CD99L2: variants seen among roughly 807,000 people sequenced by gnomAD.
CD99L2 encodes the protein CD99 molecule like 2.
CD99L2 carries 24 observed loss-of-function variants against 27.3 expected under a neutral mutation model. That is an observed-to-expected ratio of 0.88 (90% CI 0.64 to 1.24). The LOEUF (loss-of-function observed/expected upper bound fraction) is 1.24. CD99L2 is among the 50% of genes most tolerant of loss of function. CD99L2 has a pLI of 0.00. For missense variants in CD99L2, 255 were observed against 221.6 expected (o/e 1.15, Z -0.96); for synonymous variants, 97 against 87.9 (o/e 1.10, Z -0.58).
Position 150,769,231 on chromosome X carries a change from C to A in CD99L2, c.722-130G>T, listed in dbSNP as rs968409387. On this transcript the variant is annotated intron_variant, in intron 10 of 10. Transcript: ENST00000370377. ...TATCCCCTGGGGGGCCGCTTAGCAA[C>A]CTTCCCTCCTGAGCCTGGGAGCAGT... The A allele has an allele frequency of 6.7e-6, 5 of 742,770 alleles. No homozygotes were observed. In the African/African-American group the frequency reaches 1.1e-4, roughly 17 times the overall value. 61.2% of individuals were successfully genotyped at this position (742,770 alleles called of 1,213,427 possible).
chrX:150,852,633 C>T lies in CD99L2; in HGVS notation c.68-21340G>A, dbSNP rs138641723. Among the ~76,000 whole-genome samples, 631 of 110,667 alleles carry T rather than the reference C, an allele frequency of 5.7e-3. 5 individuals are homozygous for T. Among genetic ancestry groups the T allele is most frequent in the African/African-American group, 0.02 (597 of 30,420 alleles). ...TCCTCCTCATCATCCCTCCCCCAGC[C>T]CCCAGCAACCACTAATCTCCTTTCT... On this transcript the variant is annotated intron_variant, in intron 1 of 10. Transcript: ENST00000370377.
At chrX:150,858,151 A>G (rs1283503658) in intron 1 of CD99L2, among the ~76,000 whole-genome samples, 2 of 112,603 alleles carry the variant, frequency 1.8e-5, no homozygotes, top group African/African-American at 6.4e-5. Context: ...TTCAGCAAGA[A>G]GAAATAACAA....
chrX:150,770,619 G>A (rs782649969), intron 9 of CD99L2, among the ~76,000 whole-genome samples: 17 of 112,833 alleles, frequency 1.5e-4, no homozygotes, highest in Admixed American at 1.0e-3. Context: ...GAAGGCTTCC[G>A]GCACTCCATC....
intron 2 of CD99L2, among the ~76,000 whole-genome samples, chrX:150,823,270 G>C (rs1452081857): frequency 2.7e-5 from 3 of 111,587 alleles, no homozygotes; most frequent in African/African-American, 9.8e-5. Flanking sequence ...TTGGTTGGTT[G>C]GTTATTTATT....
At chrX:150,848,473 T>C (rs1035863083) in intron 1 of CD99L2, among the ~76,000 whole-genome samples, 15 of 107,868 alleles carry the variant, frequency 1.4e-4, no homozygotes, top group Non-Finnish European at 2.5e-4. Flanking sequence ...TGTACAACAA[T>C]GTGAACACCC....
At chrX:150,792,755 A>G (rs1285901719) in intron 7 of CD99L2, among the ~76,000 whole-genome samples, 1 of 112,132 alleles carries the variant, frequency 8.9e-6, no homozygotes, top group Non-Finnish European at 1.9e-5. Context: ...TGCTATCACA[A>G]CAGATTATAA....
chrX:150,767,509 G>A lies in CD99L2; in HGVS notation c.*1525C>T, dbSNP rs2043331937. 9.0e-6 allele frequency: 1 copy of A among 111,526 alleles called. No individual in the cohort carries two copies. The highest frequency in any genetic ancestry group is 9.5e-5 in the Admixed American group (1 of 10,565). 9.2% of individuals were successfully genotyped at this position (111,526 alleles called of 1,213,427 possible). A position where few individuals can be genotyped will look rare whatever the true frequency, so the allele number is the denominator to read the frequency against. ...CACAAGGCAGCCTTGAGACGCACAG[G>A]GCTACAACTGACCACCCTCCACCAC... is the stretch of plus-strand genomic sequence containing the variant. On this transcript the variant is annotated 3_prime_UTR_variant, in exon 11 of 11. Transcript: ENST00000370377.
chrX:150,787,932 A>G (rs2045626236), intron 7 of CD99L2, among the ~76,000 whole-genome samples: 1 of 94,955 alleles, frequency 1.1e-5, no homozygotes, highest in Admixed American at 1.2e-4. Flanking sequence ...ATATAAAAGG[A>G]GTCCTTTCCC....
At chrX:150,816,875 G>T (rs1379548046) in intron 2 of CD99L2, among the ~76,000 whole-genome samples, 1 of 109,840 alleles carries the variant, frequency 9.1e-6, no homozygotes, top group African/African-American at 3.3e-5. Flanking sequence ...CCATAGAAAA[G>T]GGTGAGTTCA....
At position 150,831,007 on chromosome X, in the gene CD99L2, C is replaced by T. The variant is rs111942404; in HGVS notation, c.130+224G>A. Reference sequence around the variant, plus strand: ...TATTTTTAGTAGAGACAGGGTTTCACCATGTTGGCCAGGCTGGTCTCGAAC... The same window carrying T: ...TATTTTTAGTAGAGACAGGGTTTCATCATGTTGGCCAGGCTGGTCTCGAAC... On this transcript the variant is annotated intron_variant, in intron 2 of 10. Coordinates refer to ENST00000370377, the MANE Select transcript of CD99L2 (RefSeq NM_031462.4). Among the ~76,000 whole-genome samples, 411 of 110,608 alleles carry T rather than the reference C, an allele frequency of 3.7e-3. 2 individuals are homozygous for T. Among genetic ancestry groups the T allele is most frequent in the African/African-American group, 0.013 (387 of 30,410 alleles).
rs187902345 is a variant in CD99L2, at chrX:150,784,582, G to A, written c.497-7100C>T. Among the ~76,000 whole-genome samples, 31 of 112,221 alleles carry A rather than the reference G, an allele frequency of 2.8e-4. No individual in the cohort carries two copies. In the East Asian group the frequency reaches 4.8e-3, roughly 17 times the overall value. ...AGCGATGTGGTGGGCCCTGGCTCTC[G>A]CACTCCTTTGAGGTTCCAGGAGAAA... is the stretch of plus-strand genomic sequence containing the variant. On this transcript the variant is annotated intron_variant, in intron 7 of 10. Transcript: ENST00000370377.
chrX:150,885,407 T>G (rs1557422597), intron 1 of CD99L2, among the ~76,000 whole-genome samples: 1 of 111,769 alleles, frequency 8.9e-6, no homozygotes, highest in Non-Finnish European at 1.9e-5. Context: ...CAACAAAAAC[T>G]TTACATATAG....
At chrX:150,889,712 A>C (rs2047471678) in intron 1 of CD99L2, among the ~76,000 whole-genome samples, 1 of 112,680 alleles carries the variant, frequency 8.9e-6, no homozygotes, top group Non-Finnish European at 1.9e-5. Flanking sequence ...GCAGTTTTCA[A>C]AGATATTTCT....
At chrX:150,841,568 A>C (rs2046623729) in intron 1 of CD99L2, among the ~76,000 whole-genome samples, 1 of 111,855 alleles carries the variant, frequency 8.9e-6, no homozygotes, top group Non-Finnish European at 1.9e-5. Flanking sequence ...CTGCTTCCTC[A>C]CCCAAGAATT....
At chrX:150,802,601 A>G (rs1374739107) in intron 4 of CD99L2, among the ~76,000 whole-genome samples, 1 of 85,239 alleles carries the variant, frequency 1.2e-5, no homozygotes, top group Non-Finnish European at 2.3e-5. Flanking sequence ...TTTTTTTTTG[A>G]GACAGAGTCT....
rs1374620534 is a variant in CD99L2, at chrX:150,767,969, C to G, written c.*1065G>C. On this transcript the variant is annotated 3_prime_UTR_variant, in exon 11 of 11. Transcript: ENST00000370377. ...CGAGTCATGGGGTTCCTGTGTTTGC[C>G]ACGGTGAGCATGGCTCCCCACGCAC... The G allele has an allele frequency of 8.9e-6, 1 of 112,254 alleles. No homozygotes were observed. Among genetic ancestry groups the G allele is most frequent in the African/African-American group, 3.2e-5 (1 of 30,887 alleles). The allele number at this position is 112,254 out of a possible 1,213,427, so 9.3% of individuals were successfully genotyped here.
intron 7 of CD99L2, among the ~76,000 whole-genome samples, chrX:150,779,548 G>A (rs782132853): frequency 4.4e-4 from 49 of 112,426 alleles, no homozygotes; most frequent in African/African-American, 4.5e-4. Flanking sequence ...TAACCAAGCC[G>A]AGGTCATCGC....
chrX:150,786,282 G>A (rs957646800), intron 7 of CD99L2, among the ~76,000 whole-genome samples: 23 of 110,446 alleles, frequency 2.1e-4, no homozygotes, highest in African/African-American at 7.6e-4. Flanking sequence ...GGTAAATTGT[G>A]TGTCATGGGG....
At chrX:150,869,751 G>T (rs1340730065) in intron 1 of CD99L2, among the ~76,000 whole-genome samples, 4 of 112,044 alleles carry the variant, frequency 3.6e-5, no homozygotes, top group African/African-American at 9.7e-5. Context: ...ACTAAAGAGA[G>T]AAGAAAATAA....
Sources: allele counts gnomAD v4.1 joint callset (sites outside exome capture counted in the v4.1 genomes callset), GRCh38; gene constraint gnomAD v4.1.1; transcripts MANE v1.5; gene names NCBI Gene and HGNC (gene_info 2026-07-23, HGNC 2026-07-21).